The following PTPRD variants were observed in gnomAD, a reference collection of about 807,000 sequenced individuals.
PTPRD encodes protein tyrosine phosphatase receptor type D, also known as receptor-type tyrosine-protein phosphatase delta.
Under a neutral mutation model 214.5 loss-of-function variants are expected in PTPRD, and 34 were observed. The ratio of observed to expected loss-of-function variants is 0.16; its 90% CI spans 0.12 to 0.21. The LOEUF is 0.21. PTPRD is among the 10% of genes least tolerant of loss of function. PTPRD has a pLI of 1.00. For synonymous variants in PTPRD, 1,128 were observed against 845.7 expected (o/e 1.33, Z -5.79); for missense variants, 2,545 against 2,398.7 (o/e 1.06, Z -1.27).
In PTPRD at chr9:10,157,653, G is replaced by A. The variant is rs192607824; in HGVS notation, c.-544-123863C>T. On this transcript the variant is annotated intron_variant, in intron 3 of 45. Transcript: ENST00000381196. ...TGTGAAGTATCTTACTGGGTTTCTCGACATTTTTAAATGTAAATGTTGGCC... is the reference window on the plus strand; with the variant it reads ...TGTGAAGTATCTTACTGGGTTTCTCAACATTTTTAAATGTAAATGTTGGCC... 2.2e-4 allele frequency among the ~76,000 whole-genome samples: 34 copies of A among 151,998 alleles called. No homozygotes were observed. The East Asian group carries it at 5.8e-3, about 26-fold the overall frequency.
chr9:9,597,358 C>T (rs1041992113), intron 7 of PTPRD, among the ~76,000 whole-genome samples: 132 of 152,078 alleles, frequency 8.7e-4, no homozygotes, highest in African/African-American at 3.0e-3. Flanking sequence ...ACAACTTATA[C>T]TTTTAAATGA....
intron 9 of PTPRD, among the ~76,000 whole-genome samples, chr9:9,349,688 A>G (rs555760109): frequency 4.4e-4 from 66 of 151,238 alleles, no homozygotes; most frequent in African/African-American, 1.6e-3. Flanking sequence ...ACCTCCAGTG[A>G]TAATAATCTT....
intron 7 of PTPRD, among the ~76,000 whole-genome samples, chr9:9,692,786 A>G (rs944649056): frequency 2.6e-5 from 4 of 151,726 alleles, no homozygotes; most frequent in Non-Finnish European, 5.9e-5. Context: ...CATTTTTTTT[A>G]GTGGCCTCTT....
intron 42 of PTPRD, 35 bp downstream of exon 42, chr9:8,340,297 CAGAGTAAATGT>C: frequency 6.6e-7 from 1 of 1,514,704 alleles, no homozygotes; most frequent in East Asian, 2.3e-5. Flanking sequence ...CATTTCTCCA[CAGAGTAAATGT>C]CTTATGAGGA....
chr9:8,594,495 G>C (rs192543888), intron 14 of PTPRD, among the ~76,000 whole-genome samples: 2 of 152,040 alleles, frequency 1.3e-5, no homozygotes, highest in Non-Finnish European at 2.9e-5. Context: ...CATTTGATAC[G>C]GTTTGGCTGT....
intron 5 of PTPRD, among the ~76,000 whole-genome samples, chr9:9,929,796 G>C (rs751203652): frequency 2.6e-5 from 4 of 151,704 alleles, no homozygotes; most frequent in African/African-American, 7.3e-5. Flanking sequence ...AAGTTACATA[G>C]AGCTATGTGA....
intron 5 of PTPRD, among the ~76,000 whole-genome samples, chr9:9,775,358 A>G (rs1307739841): frequency 6.6e-6 from 1 of 152,130 alleles, no homozygotes; most frequent in African/African-American, 2.4e-5. Context: ...GAAGGAGGAG[A>G]TCAGGGTCCT....
chr9:10,449,872 G>C (rs1467245219), intron 2 of PTPRD, among the ~76,000 whole-genome samples: 2 of 151,802 alleles, frequency 1.3e-5, no homozygotes. Context: ...GTAGACATAG[G>C]AGACTCCATT....
intron 2 of PTPRD, among the ~76,000 whole-genome samples, chr9:10,522,555 GC>G (rs1407136592): frequency 6.6e-6 from 1 of 152,060 alleles, no homozygotes; most frequent in Non-Finnish European, 1.5e-5. Flanking sequence ...AAAAGTAATA[GC>G]AATAAAGGTG....
intron 3 of PTPRD, among the ~76,000 whole-genome samples, chr9:10,285,222 T>C (rs1383989209): frequency 6.6e-6 from 1 of 152,194 alleles, no homozygotes; most frequent in Non-Finnish European, 1.5e-5. Flanking sequence ...CATACGATAC[T>C]GTAAGAATAC....
chr9:8,418,713 C>T (rs940636147), intron 35 of PTPRD, among the ~76,000 whole-genome samples: 1 of 151,964 alleles, frequency 6.6e-6, no homozygotes, highest in African/African-American at 2.4e-5. Context: ...CTGATGCATT[C>T]TTCGAGTATG....
intron 6 of PTPRD, among the ~76,000 whole-genome samples, chr9:9,753,284 C>CA (rs1304844800): frequency 2.0e-5 from 3 of 151,780 alleles, no homozygotes; most frequent in African/African-American, 7.3e-5. Flanking sequence ...CAAAACGTTT[C>CA]AAAAAACACT....
intron 9 of PTPRD, among the ~76,000 whole-genome samples, chr9:9,379,033 C>A (rs2061495275): frequency 6.6e-6 from 1 of 151,262 alleles, no homozygotes; most frequent in African/African-American, 2.4e-5. Context: ...TCAATTATTT[C>A]TTTCATGTTC....
At chr9:9,026,806 C>G (rs565987286) in intron 10 of PTPRD, among the ~76,000 whole-genome samples, 1 of 151,946 alleles carries the variant, frequency 6.6e-6, no homozygotes, top group African/African-American at 2.4e-5. Context: ...ACCTTTATAG[C>G]TTTCTCATTC....
chr9:9,551,813 C>A (rs148224788), intron 8 of PTPRD, among the ~76,000 whole-genome samples: 3 of 152,092 alleles, frequency 2.0e-5, no homozygotes, highest in African/African-American at 7.2e-5. Context: ...ACTTATGTAT[C>A]TGCTAGTGGA....
intron 39 of PTPRD, among the ~76,000 whole-genome samples, chr9:8,372,991 TAAAAG>T (rs1333198134): frequency 1.3e-5 from 2 of 152,026 alleles, no homozygotes; most frequent in African/African-American, 2.4e-5. Flanking sequence ...TAGTACATAA[TAAAAG>T]AAATCACAAC....
intron 39 of PTPRD, among the ~76,000 whole-genome samples, chr9:8,352,360 G>C (rs10976983): frequency 6.6e-6 from 1 of 152,104 alleles, no homozygotes; most frequent in Admixed American, 6.6e-5. Flanking sequence ...TCTGAATAGA[G>C]GTCAATCAAA....
chr9:9,418,773 T>C (rs1008103863), intron 8 of PTPRD, among the ~76,000 whole-genome samples: 17 of 151,888 alleles, frequency 1.1e-4, no homozygotes, highest in African/African-American at 3.9e-4. Context: ...GAAAGTGAGA[T>C]CAGGCCTAAA....
chr9:9,258,118 C>T (rs796142565), intron 9 of PTPRD, among the ~76,000 whole-genome samples: 12 of 128,928 alleles, frequency 9.3e-5, no homozygotes, highest in African/African-American at 2.2e-4. Flanking sequence ...GATAGATAGA[C>T]AGATAAACTG....
Sources: gnomAD v4.1 joint callset for allele counts (sites outside exome capture counted in the v4.1 genomes callset) on GRCh38, gnomAD v4.1.1 for gene constraint, MANE v1.5 for transcripts, NCBI Gene and HGNC (gene_info 2026-07-23, HGNC 2026-07-21) for gene names.